HTR1F: variants seen among roughly 807,000 people sequenced by gnomAD.
HTR1F encodes the protein 5-hydroxytryptamine (serotonin) receptor 1F, G protein-coupled.
HTR1F carries 17 observed loss-of-function variants against 24.0 expected under a neutral mutation model. The ratio of observed to expected loss-of-function variants is 0.71; its 90% CI spans 0.48 to 1.06. The LOEUF (loss-of-function observed/expected upper bound fraction) is 1.06, where lower values mean the gene tolerates loss of function less well. Among genes scored for constraint, HTR1F ranks in the 50% least tolerant of loss-of-function variants. The probability of loss-of-function intolerance (pLI) is 0.00; values close to 1 mark genes in which losing one functional copy is unlikely to be tolerated. For synonymous variants in HTR1F, 186 were observed against 156.8 expected, an observed-to-expected ratio of 1.19 and a Z score of -1.39; for missense variants, 391 against 427.8, an observed-to-expected ratio of 0.91 and a Z score of 0.76.
chr3:87,839,797 T>C (rs969491814), intron 2 of HTR1F, among the ~76,000 whole-genome samples: 2 of 152,096 alleles, frequency 1.3e-5, no homozygotes, highest in African/African-American at 4.8e-5. Flanking sequence ...CTGTTGTTCC[T>C]ATTTTTATGA....
intron 1 of HTR1F, among the ~76,000 whole-genome samples, chr3:87,804,186 C>A (rs532338636): frequency 8.6e-4 from 131 of 152,210 alleles, no homozygotes; most frequent in African/African-American, 3.0e-3. Flanking sequence ...TTCTCACCAT[C>A]CAGGTGTTTC....
chr3:87,991,036 G>A lies in HTR1F; in HGVS notation c.287G>A (p.Cys96Tyr). The part of the protein sequence containing the change: ...RESWIMGQVV[C>Y]DIWLSVDITC... Reference sequence around the variant, plus strand: ...AGCTGGATTATGGGGCAAGTGGTCTGTGACATTTGGCTGAGTGTTGACATT... The same window carrying A: ...AGCTGGATTATGGGGCAAGTGGTCTATGACATTTGGCTGAGTGTTGACATT... The change falls in exon 3 of 3, where the codon TGT becomes TAT. Residue 96 changes from cysteine (C) to tyrosine (Y), a missense_variant. Physicochemically the swap from Cys to Tyr is radical, Grantham distance 194. Coordinates refer to ENST00000319595, the MANE Select transcript of HTR1F (RefSeq NM_001322209.2). 6.2e-7 allele frequency: 1 copy of A among 1,614,074 alleles called. No individual in the cohort carries two copies. Among genetic ancestry groups the A allele is most frequent in the South Asian group, 1.1e-5 (1 of 91,086 alleles).
intron 2 of HTR1F, among the ~76,000 whole-genome samples, chr3:87,843,943 T>C (rs1414859195): frequency 4.6e-5 from 7 of 151,388 alleles, no homozygotes; most frequent in Admixed American, 4.6e-4. Context: ...GACATTTGGG[T>C]TGGTTCCAAG....
chr3:87,802,679 A>G lies in HTR1F; in HGVS notation c.-160+9837A>G, dbSNP rs1397069063. Among the ~76,000 whole-genome samples, 4 of 152,238 alleles carry G rather than the reference A, an allele frequency of 2.6e-5. No homozygotes were observed. The East Asian group carries it at 7.7e-4, about 29-fold the overall frequency. On this transcript the variant is annotated intron_variant, in intron 1 of 2. Transcript: ENST00000319595. The stretch of plus-strand genomic sequence containing the variant: ...TTGTTTTCTAATTATCATAGGAAGC[A>G]AAATTCCTGACCAGTGTATTAATAG...
At chr3:87,944,261 T>C (rs1704642520) in intron 2 of HTR1F, among the ~76,000 whole-genome samples, 1 of 152,200 alleles carries the variant, frequency 6.6e-6, no homozygotes, top group African/African-American at 2.4e-5. Flanking sequence ...TCAAGATGCA[T>C]TCCCATAAGC....
At chr3:87,815,290 A>G (rs1407380130) in intron 1 of HTR1F, among the ~76,000 whole-genome samples, 1 of 145,430 alleles carries the variant, frequency 6.9e-6, no homozygotes, top group Non-Finnish European at 1.5e-5. Flanking sequence ...GGTGAATCAA[A>G]TATATATATA....
intron 2 of HTR1F, among the ~76,000 whole-genome samples, chr3:87,982,048 G>A (rs923298042): frequency 6.6e-6 from 1 of 151,720 alleles, no homozygotes; most frequent in African/African-American, 2.4e-5. Context: ...CAAGCTTTCC[G>A]AGTAGCTGGG....
At chr3:87,834,587 A>G (rs1052084202) in intron 2 of HTR1F, among the ~76,000 whole-genome samples, 14 of 152,196 alleles carry the variant, frequency 9.2e-5, no homozygotes, top group Admixed American at 9.2e-4. Context: ...TCCAGTTATA[A>G]ACACACTTTG....
At chr3:87,926,757 T>C (rs1472622510) in intron 2 of HTR1F, among the ~76,000 whole-genome samples, 1 of 152,128 alleles carries the variant, frequency 6.6e-6, no homozygotes, top group East Asian at 1.9e-4. Context: ...GGGTTCATAT[T>C]ACTAAATTTT....
chr3:87,961,901 G>T (rs1426370973), intron 2 of HTR1F, among the ~76,000 whole-genome samples: 2 of 151,552 alleles, frequency 1.3e-5, no homozygotes, highest in Non-Finnish European at 2.9e-5. Flanking sequence ...GGCTAAATTT[G>T]AATTTCAGAC....
At chr3:87,834,412 T>A (rs1704642314) in intron 2 of HTR1F, among the ~76,000 whole-genome samples, 1 of 151,956 alleles carries the variant, frequency 6.6e-6, no homozygotes, top group African/African-American at 2.4e-5. Flanking sequence ...AAAAAGCAGA[T>A]GTTATTTTAG....
chr3:87,881,033 GCATTTCCAAC>G (rs1705782707), intron 2 of HTR1F, among the ~76,000 whole-genome samples: 2 of 151,858 alleles, frequency 1.3e-5, no homozygotes, highest in South Asian at 4.2e-4. Context: ...GGTGATTTCT[GCATTTCCAAC>G]TTAGGTACTG....
chr3:87,810,029 T>G (rs1197358410), intron 1 of HTR1F, among the ~76,000 whole-genome samples: 1 of 152,154 alleles, frequency 6.6e-6, no homozygotes, highest in Non-Finnish European at 1.5e-5. Flanking sequence ...TCAGGTTCCA[T>G]TTTACCTGAT....
chr3:87,977,674 G>A (rs1705428169), intron 2 of HTR1F, among the ~76,000 whole-genome samples: 2 of 151,590 alleles, frequency 1.3e-5, no homozygotes, highest in Admixed American at 1.3e-4. Flanking sequence ...GCCCACCTTG[G>A]CCTCCCAAAG....
rs375868098 is a variant in HTR1F, at chr3:87,846,008, A to G, written c.-43+23884A>G. 7.2e-5 allele frequency among the ~76,000 whole-genome samples: 11 copies of G among 152,092 alleles called. No individual in the cohort carries two copies. The East Asian group carries it at 1.9e-3, about 27-fold the overall frequency. ...TTAGAAATTTTTTGATGGCACACTC[A>G]CTATGTGCTAGCCATCTTCTAGGGC... On this transcript the variant is annotated intron_variant, in intron 2 of 2. Transcript: ENST00000319595.
chr3:87,897,461 A>T (rs1447422371), intron 2 of HTR1F, among the ~76,000 whole-genome samples: 2 of 152,086 alleles, frequency 1.3e-5, no homozygotes, highest in Non-Finnish European at 2.9e-5. Flanking sequence ...AAGAGGGCTT[A>T]TTCAGTTTTG....
At chr3:87,923,267 G>T (rs1704050888) in intron 2 of HTR1F, among the ~76,000 whole-genome samples, 2 of 151,860 alleles carry the variant, frequency 1.3e-5, no homozygotes, top group South Asian at 4.1e-4. Context: ...GTTTCCATAT[G>T]AATTTTAGAA....
At chr3:87,946,204 C>G (rs1704699387) in intron 2 of HTR1F, among the ~76,000 whole-genome samples, 1 of 152,180 alleles carries the variant, frequency 6.6e-6, no homozygotes, top group African/African-American at 2.4e-5. Context: ...CTGCCGGATC[C>G]AGAGGGGTGG....
chr3:87,870,418 G>A (rs1705528791), intron 2 of HTR1F, among the ~76,000 whole-genome samples: 1 of 152,082 alleles, frequency 6.6e-6, no homozygotes, highest in Admixed American at 6.6e-5. Context: ...AACCAGCTTA[G>A]AAGTTGCCAT....
Sources: gnomAD v4.1 joint callset for allele counts (sites outside exome capture counted in the v4.1 genomes callset) on GRCh38, gnomAD v4.1.1 for gene constraint, MANE v1.5 for transcripts, NCBI Gene and HGNC (gene_info 2026-07-23, HGNC 2026-07-21) for gene names.